Variants in XPNPEP3 observed in about 807,000 individuals in gnomAD.
The protein encoded by XPNPEP3 is X-prolyl aminopeptidase 3.
Under a neutral mutation model 60.0 loss-of-function variants are expected in XPNPEP3, and 41 were observed. The ratio of observed to expected loss-of-function variants is 0.68; its 90% confidence interval spans 0.53 to 0.89. The LOEUF is 0.89. Ranked by LOEUF, XPNPEP3 falls within the 40% of genes least tolerant of loss-of-function variation. XPNPEP3 has a pLI of 0.00. For missense variants in XPNPEP3, 598 were observed against 638.9 expected (o/e 0.94, Z 0.69); for synonymous variants, 212 against 223.2 (o/e 0.95, Z 0.45).
chr22:40,920,993 T>C (rs2058214445), intron 7 of XPNPEP3, among the ~76,000 whole-genome samples: 1 of 152,200 alleles, frequency 6.6e-6, no homozygotes, highest in African/African-American at 2.4e-5. Context: ...GATTTCTCCA[T>C]GTTGGTCAGG....
intron 4 of XPNPEP3, among the ~76,000 whole-genome samples, chr22:40,905,204 C>A (rs1055547772): frequency 6.6e-6 from 1 of 151,914 alleles, no homozygotes; most frequent in African/African-American, 2.4e-5. Context: ...CTCAGCCTCC[C>A]GAGTAACTAG....
At chr22:40,917,077 CAA>C in intron 7 of XPNPEP3, 1 of 146,568 alleles carries the variant, frequency 6.8e-6, no homozygotes. Flanking sequence ...GACCCTGTCG[CAA>C]AAAAAAAGAA....
In XPNPEP3 at chr22:40,909,196, A is replaced by C; in HGVS notation, c.930A>C (p.Ser310=). The C allele has an allele frequency of 6.2e-7, 1 of 1,614,202 alleles. No homozygotes were observed. The highest frequency in any genetic ancestry group is 1.6e-4 in the Middle Eastern group (1 of 6,062). ...YPPVVAGGNR[S]NTLHYVKNNQ... ...CTGTGGTGGCTGGTGGTAATCGGTCAAACACTTTGCACTATGTGAAAAATA... is the reference window on the plus strand; with the variant it reads ...CTGTGGTGGCTGGTGGTAATCGGTCCAACACTTTGCACTATGTGAAAAATA... The change falls in exon 6 of 10, where the codon TCA becomes TCC. Residue 310 remains serine (S), a synonymous_variant. Coordinates refer to ENST00000357137, the MANE Select transcript of XPNPEP3 (RefSeq NM_022098.4).
intron 2 of XPNPEP3, among the ~76,000 whole-genome samples, chr22:40,878,138 G>A (rs1383139217): frequency 4.6e-5 from 7 of 151,878 alleles, no homozygotes; most frequent in East Asian, 1.9e-4. Context: ...CCTGGGAGGC[G>A]GAGGTTGCAG....
intron 4 of XPNPEP3, among the ~76,000 whole-genome samples, chr22:40,901,666 G>A (rs995342205): frequency 6.6e-6 from 1 of 151,958 alleles, no homozygotes; most frequent in African/African-American, 2.4e-5. Flanking sequence ...GTGAAGACTG[G>A]GTTTCACCAT....
intron 1 of XPNPEP3, chr22:40,862,349 C>T: frequency 3.9e-6 from 4 of 1,016,974 alleles, no homozygotes; most frequent in Non-Finnish European, 4.7e-6. Flanking sequence ...CCAATGGAAT[C>T]TGTTGCTAAT....
chr22:40,887,381 C>T (rs955498873), intron 4 of XPNPEP3, among the ~76,000 whole-genome samples: 1 of 152,068 alleles, frequency 6.6e-6, no homozygotes, highest in Non-Finnish European at 1.5e-5. Context: ...CTCAGGCTGC[C>T]ATTACAAAAT....
intron 2 of XPNPEP3, 91 bp downstream of exon 2, chr22:40,869,206 G>C: frequency 8.6e-7 from 1 of 1,161,194 alleles, no homozygotes; most frequent in Non-Finnish European, 1.3e-6. Context: ...CTCTGGATCT[G>C]TGCTGTTCCA....
At chr22:40,925,401 T>C (rs1311972768) in intron 9 of XPNPEP3, among the ~76,000 whole-genome samples, 1 of 152,196 alleles carries the variant, frequency 6.6e-6, no homozygotes, top group East Asian at 1.9e-4. Context: ...ATTTCAAGTA[T>C]TTTAATCTCT....
intron 2 of XPNPEP3, among the ~76,000 whole-genome samples, chr22:40,873,098 CTTTTTTTTT>C (rs138353): frequency 4.5e-5 from 4 of 88,506 alleles, no homozygotes; most frequent in Non-Finnish European, 6.4e-5. Context: ...TTTTCTTTTT[CTTTTTTTTT>C]TTTTTTTTTT....
At chr22:40,910,979 G>C (rs2058174971) in intron 6 of XPNPEP3, among the ~76,000 whole-genome samples, 1 of 152,196 alleles carries the variant, frequency 6.6e-6, no homozygotes, top group South Asian at 2.1e-4. Context: ...CTGTACTCCA[G>C]CCTGGTGACA....
intron 4 of XPNPEP3, among the ~76,000 whole-genome samples, chr22:40,891,520 G>T (rs957605273): frequency 6.6e-6 from 1 of 152,074 alleles, no homozygotes; most frequent in African/African-American, 2.4e-5. Flanking sequence ...GGGCGTGGTG[G>T]CGGGCGCCTG....
chr22:40,883,761 T>A (rs1332823707), intron 3 of XPNPEP3, among the ~76,000 whole-genome samples: 1 of 152,200 alleles, frequency 6.6e-6, no homozygotes. Flanking sequence ...TTCTGGGAAT[T>A]TTTTCAGAAC....
At chr22:40,886,255 A>C (rs2058068108) in intron 3 of XPNPEP3, 58 bp from the exon 4 acceptor site, 2 of 1,551,392 alleles carry the variant, frequency 1.3e-6, no homozygotes, top group Admixed American at 3.3e-5. Context: ...ATGACAGTTG[A>C]TATTTCTTGT....
Position 40,886,424 on chromosome 22 carries a change from G to A in XPNPEP3, c.701G>A (p.Arg234Gln), listed in dbSNP as rs201758014. ...EAKAKSKNKV[R>Q]GVQQLIQRLR... ...AAAGCCAAGAGCAAGAACAAGGTTCGGGGTGTTCAGCAGCTGATACAGCGC... is the reference window on the plus strand; with the variant it reads ...AAAGCCAAGAGCAAGAACAAGGTTCAGGGTGTTCAGCAGCTGATACAGCGC... The change falls in exon 4 of 10, where the codon CGG becomes CAG. Residue 234 changes from arginine (R) to glutamine (Q), a missense_variant. Arg to Gln is a conservative substitution (Grantham distance 43). Coordinates refer to ENST00000357137, the MANE Select transcript of XPNPEP3 (RefSeq NM_022098.4). 15 of 1,614,150 alleles carry A rather than the reference G, an allele frequency of 9.3e-6. No individual in the cohort carries two copies. Among genetic ancestry groups the A allele is most frequent in the East Asian group, 4.5e-5 (2 of 44,882 alleles).
At chr22:40,918,513 AAC>A (rs1040412266) in intron 7 of XPNPEP3, among the ~76,000 whole-genome samples, 4 of 150,954 alleles carry the variant, frequency 2.6e-5, no homozygotes, top group Admixed American at 6.6e-5. Context: ...CTCTACTAAA[AAC>A]ACACACACAC....
At chr22:40,907,306 A>G in intron 4 of XPNPEP3, 1 of 417,366 alleles carries the variant, frequency 2.4e-6, no homozygotes, top group South Asian at 1.9e-5. Flanking sequence ...CTGTAGTCCC[A>G]GCTACTCGAG....
At chr22:40,862,078 A>G in intron 1 of XPNPEP3, 1 of 1,521,054 alleles carries the variant, frequency 6.6e-7, no homozygotes, top group Non-Finnish European at 8.8e-7. Flanking sequence ...TGGTGGTGAT[A>G]GAGGTAGTGA....
intron 7 of XPNPEP3, among the ~76,000 whole-genome samples, chr22:40,914,580 C>T (rs1032425960): frequency 1.0e-4 from 11 of 107,144 alleles, no homozygotes; most frequent in Admixed American, 5.8e-4. Flanking sequence ...GACGGGGTCT[C>T]GCTGTGTCAT....
Sources: allele counts gnomAD v4.1 joint callset (sites outside exome capture counted in the v4.1 genomes callset), GRCh38; gene constraint gnomAD v4.1.1; transcripts MANE v1.5; gene names NCBI Gene and HGNC (gene_info 2026-07-23, HGNC 2026-07-21).